The following ABR variants were observed in gnomAD, a reference collection of about 807,000 sequenced individuals.
ABR encodes ABR activator of RhoGEF and GTPase.
A neutral mutation model predicts 107.2 loss-of-function variants in ABR; 35 were observed. The observed-to-expected ratio is 0.33, with a 90% CI of 0.25 to 0.43. ABR has a LOEUF of 0.43. Ranked by LOEUF, ABR falls within the 20% of genes least tolerant of loss-of-function variation. ABR has a pLI of 1.00. For missense variants in ABR, 815 were observed against 1,115.2 expected (o/e 0.73, Z 3.83); for synonymous variants, 498 against 462.0 (o/e 1.08, Z -1.00).
At chr17:1,093,675 C>T (rs1008108478) in intron 3 of ABR, among the ~76,000 whole-genome samples, 13 of 152,132 alleles carry the variant, frequency 8.5e-5, no homozygotes, top group African/African-American at 1.9e-4. Context: ...CCAAAGCCAG[C>T]GCCAGCTCCC....
intron 16 of ABR, among the ~76,000 whole-genome samples, chr17:1,017,673 G>T (rs2071269233): frequency 6.6e-6 from 1 of 151,686 alleles, no homozygotes; most frequent in Non-Finnish European, 1.5e-5. Flanking sequence ...TCACCATGTT[G>T]GCCAGGCTGG....
At chr17:1,086,781 G>A (rs1468644180) in intron 4 of ABR, among the ~76,000 whole-genome samples, 1 of 152,178 alleles carries the variant, frequency 6.6e-6, no homozygotes, top group East Asian at 1.9e-4. Context: ...GATTACGGGC[G>A]TGAGCCACCA....
At chr17:1,152,631 C>A (rs375040090) in intron 1 of ABR, among the ~76,000 whole-genome samples, 21 of 152,094 alleles carry the variant, frequency 1.4e-4, no homozygotes, top group African/African-American at 4.3e-4. Context: ...CTACAACTCC[C>A]GGCACACAAC....
At chr17:1,100,527 G>A in intron 3 of ABR, 110 bp downstream of exon 3, 1 of 997,010 alleles carries the variant, frequency 1.0e-6, no homozygotes, top group Non-Finnish European at 1.5e-6. Flanking sequence ...CCACAGGGAG[G>A]GACGGGTACG....
intron 1 of ABR, among the ~76,000 whole-genome samples, chr17:1,193,802 T>C (rs1189724992): frequency 6.6e-6 from 1 of 152,168 alleles, no homozygotes. Context: ...GCGATTCACC[T>C]GCCTCAGCCT....
intron 1 of ABR, among the ~76,000 whole-genome samples, chr17:1,173,043 A>G (rs1485186201): frequency 1.3e-5 from 1 of 79,694 alleles, no homozygotes; most frequent in African/African-American, 4.1e-5. Context: ...AGCCCACCCA[A>G]CACATCACCT....
chr17:1,073,715 T>C (rs373545927), intron 6 of ABR, 38 bp from the exon 7 acceptor site: 1 of 1,566,408 alleles, frequency 6.4e-7, no homozygotes, highest in African/African-American at 1.4e-5. Context: ...AAGAGGATGA[T>C]GGACGAGGGC....
At chr17:1,024,208 C>G (rs559486092) in intron 16 of ABR, among the ~76,000 whole-genome samples, 1 of 152,120 alleles carries the variant, frequency 6.6e-6, no homozygotes, top group Non-Finnish European at 1.5e-5. Context: ...TGCCTTGCTC[C>G]GAGTCTCACG....
intron 18 of ABR, 110 bp downstream of exon 18, chr17:1,012,578 G>T (rs772207754): frequency 5.0e-6 from 4 of 803,806 alleles, no homozygotes; most frequent in Admixed American, 2.0e-5. Flanking sequence ...CGAGCGGGGG[G>T]TAACTGATTA....
intron 1 of ABR, among the ~76,000 whole-genome samples, chr17:1,192,606 G>A (rs938508451): frequency 5.3e-5 from 8 of 151,438 alleles, no homozygotes; most frequent in Admixed American, 3.9e-4. Context: ...GTGAAATCCC[G>A]TCTCTGCTAA....
chr17:1,189,819 A>G (rs1348515394), upstream of ABR, among the ~76,000 whole-genome samples: 2 of 152,114 alleles, frequency 1.3e-5, no homozygotes, highest in Non-Finnish European at 2.9e-5. Context: ...TGCTAGACTG[A>G]GGTCTCTTGG....
At chr17:1,046,933 T>C (rs1597528120) in intron 16 of ABR, among the ~76,000 whole-genome samples, 1 of 152,178 alleles carries the variant, frequency 6.6e-6, no homozygotes, top group Admixed American at 6.5e-5. Flanking sequence ...TGGACACACA[T>C]TGGTGACGCA....
At chr17:1,043,929 G>C (rs114554347) in intron 16 of ABR, among the ~76,000 whole-genome samples, 1 of 152,206 alleles carries the variant, frequency 6.6e-6, no homozygotes, top group Non-Finnish European at 1.5e-5. Context: ...GGTGCAGAGG[G>C]CCCCTCAGGT....
chr17:1,068,207 A>T (rs2034912626), intron 9 of ABR, among the ~76,000 whole-genome samples: 1 of 152,238 alleles, frequency 6.6e-6, no homozygotes. Flanking sequence ...TGCTGGGATT[A>T]CAGGCATAAG....
At position 1,159,316 on chromosome 17, in the gene ABR, A is replaced by AG. The variant is rs1213801045; in HGVS notation, c.61+20350dup. On this transcript the variant is annotated intron_variant, in intron 1 of 22. Transcript: ENST00000302538. ...GAATGCGGTACTCACACACAAGGGA[A>AG]GTAAGAATGCAGTACTCACGCACAA... Among the ~76,000 whole-genome samples the AG allele has an allele frequency of 2.9e-4, 29 of 99,824 alleles. 1 individual carries two copies. Among genetic ancestry groups the AG allele is most frequent in the Non-Finnish European group, 4.7e-4 (22 of 46,498 alleles). The allele number at this position is 99,824 out of a possible 152,430, so 65.5% of individuals were successfully genotyped here.
At chr17:1,220,752 A>AGTAAACCAAGGCAGGGAAT (rs1444753358) in intron 1 of ABR, among the ~76,000 whole-genome samples, 15 of 152,236 alleles carry the variant, frequency 9.9e-5, no homozygotes, top group Admixed American at 2.0e-4. Context: ...TTTCCAGCAC[A>AGTAAACCAAGGCAGGGAAT]GTAAACCAAG....
chr17:1,199,577 T>C (rs1001235720), intron 1 of ABR, among the ~76,000 whole-genome samples: 1 of 151,086 alleles, frequency 6.6e-6, no homozygotes, highest in African/African-American at 2.5e-5. Flanking sequence ...GCCTCCCAAG[T>C]AGCTAGGATT....
At chr17:1,228,622 C>G (rs2043267747) in intron 1 of ABR, among the ~76,000 whole-genome samples, 1 of 152,164 alleles carries the variant, frequency 6.6e-6, no homozygotes, top group Non-Finnish European at 1.5e-5. Context: ...GTTTTCTAAG[C>G]TCCACAGGTG....
At chr17:1,173,122 GTCCACCC>G (rs2041791318) in intron 1 of ABR, among the ~76,000 whole-genome samples, 2 of 51,086 alleles carry the variant, frequency 3.9e-5, no homozygotes, top group African/African-American at 1.6e-4. Flanking sequence ...CATCACCTCA[GTCCACCC>G]CCCACACATC....
Sources: gnomAD v4.1 joint callset for allele counts (sites outside exome capture counted in the v4.1 genomes callset) on GRCh38, gnomAD v4.1.1 for gene constraint, MANE v1.5 for transcripts, NCBI Gene and HGNC (gene_info 2026-07-23, HGNC 2026-07-21) for gene names.